Variants in ERICH1 observed in about 807,000 individuals in gnomAD.
ERICH1 encodes glutamate rich 1, also known as glutamate-rich protein 1.
A neutral mutation model predicts 39.6 loss-of-function variants in ERICH1; 56 were observed. The observed-to-expected ratio is 1.41, with a 90% confidence interval of 1.14 to 1.77. The LOEUF (loss-of-function observed/expected upper bound fraction) is 1.77. ERICH1 is among the 40% of genes most tolerant of loss of function. ERICH1 has a pLI of 0.00. For synonymous variants in ERICH1, 313 were observed against 223.6 expected, an observed-to-expected ratio of 1.40 and a Z score of -3.57; for missense variants, 826 against 575.4, an observed-to-expected ratio of 1.44 and a Z score of -4.45.
chr8:710,221 A>AT (rs1814388452), intron 2 of ERICH1, among the ~76,000 whole-genome samples: 1 of 152,148 alleles, frequency 6.6e-6, no homozygotes, highest in African/African-American at 2.4e-5. Flanking sequence ...CCACCATGAC[A>AT]GCATCGTACA....
chr8:670,796 G>A (rs1239450311), intron 4 of ERICH1, among the ~76,000 whole-genome samples: 1 of 151,822 alleles, frequency 6.6e-6, no homozygotes, highest in African/African-American at 2.4e-5. Flanking sequence ...CCTGGCCCCA[G>A]GTCCAACATC....
chr8:622,834 T>A (rs1242117207), intron 3 of ERICH1, among the ~76,000 whole-genome samples: 1 of 151,960 alleles, frequency 6.6e-6, no homozygotes, highest in Non-Finnish European at 1.5e-5. Flanking sequence ...GGTGCACACC[T>A]GTGGTCCCAG....
At position 644,943 on chromosome 8, in the gene ERICH1, A is replaced by G. The variant is rs1799401465; in HGVS notation, c.976+23655T>C. ...ACCCGAACACACTGTCTGTTCTCTC[A>G]GAGGCAGGAGCTACGGGGCCCAGGA... On this transcript the variant is annotated intron_variant, in intron 3 of 3. Coordinates refer to the ERICH1 transcript ENST00000522706. 2.9e-5 allele frequency among the ~76,000 whole-genome samples: 2 copies of G among 69,242 alleles called. 1 individual carries two copies. The highest frequency in any genetic ancestry group is 9.1e-5 in the Non-Finnish European group (2 of 21,964). 45.4% of individuals were successfully genotyped at this position (69,242 alleles called of 152,430 possible). A position where few individuals can be genotyped will look rare whatever the true frequency, so the allele number is the denominator to read the frequency against.
chr8:629,739 CAACCCACACAGAGCTGACTCA>C (rs1797851623), intron 3 of ERICH1, among the ~76,000 whole-genome samples: 2 of 140,506 alleles, frequency 1.4e-5, no homozygotes, highest in African/African-American at 5.9e-5. Context: ...CCTCCCGTGA[CAACCCACACAGAGCTGACTCA>C]CACCCTCCTG....
intron 2 of ERICH1, among the ~76,000 whole-genome samples, chr8:693,161 T>A (rs1809314818): frequency 6.6e-6 from 1 of 150,392 alleles, no homozygotes; most frequent in South Asian, 2.1e-4. Flanking sequence ...AGAGACACCA[T>A]GCACAGCCAC....
intron 3 of ERICH1, among the ~76,000 whole-genome samples, chr8:642,496 C>CA (rs1460000267): frequency 6.6e-6 from 1 of 151,954 alleles, no homozygotes; most frequent in Non-Finnish European, 1.5e-5. Context: ...AGGCACCAGC[C>CA]ACCACGCCCG....
chr8:699,235 C>T (rs996713532), intron 2 of ERICH1, among the ~76,000 whole-genome samples: 2 of 151,992 alleles, frequency 1.3e-5, no homozygotes, highest in East Asian at 1.9e-4. Context: ...TCATCAGGAA[C>T]GAAAGAAAAA....
At position 673,482 on chromosome 8, in the gene ERICH1, A is replaced by G; in HGVS notation, c.870T>C (p.Gly290=). 1 of 1,608,372 alleles carries G rather than the reference A, an allele frequency of 6.2e-7. No individual in the cohort carries two copies. The highest frequency in any genetic ancestry group is 1.4e-5 in the African/African-American group (1 of 71,986). Residue 290 remains glycine, a synonymous_variant, in exon 4 of 6, where the codon GGT becomes GGC. Coordinates refer to ENST00000262109, the MANE Select transcript of ERICH1 (RefSeq NM_207332.3). ...EDLTRAGEED[G]KDTREEDGAD... ...CACCGTCCTCCTCCCTGGTGTCTTT[A>G]CCGTCTTCCTCCCCGGCCCGTGTCA...
At chr8:625,274 A>G (rs987453375) in intron 3 of ERICH1, among the ~76,000 whole-genome samples, 6 of 152,238 alleles carry the variant, frequency 3.9e-5, no homozygotes, top group Non-Finnish European at 8.8e-5. Context: ...GATCTACTCA[A>G]ACAATGGAAT....
At chr8:632,013 AAAG>A (rs1214973317) in intron 3 of ERICH1, among the ~76,000 whole-genome samples, 19 of 152,132 alleles carry the variant, frequency 1.2e-4, no homozygotes, top group African/African-American at 4.6e-4. Flanking sequence ...TAGAACTCCC[AAAG>A]CACCACAGCC....
At chr8:624,818 C>G (rs2117055484) in intron 3 of ERICH1, among the ~76,000 whole-genome samples, 1 of 152,220 alleles carries the variant, frequency 6.6e-6, no homozygotes. Context: ...GCTCTGCCTC[C>G]CGGGTTCACG....
At chr8:651,678 G>T (rs945980118) in intron 3 of ERICH1, among the ~76,000 whole-genome samples, 3 of 142,048 alleles carry the variant, frequency 2.1e-5, no homozygotes, top group East Asian at 3.9e-4. Flanking sequence ...CGGGCAGGGT[G>T]GGGGAGAAGA....
chr8:730,991 G>T, intron 1 of ERICH1, 149 bp downstream of exon 1: 1 of 931,552 alleles, frequency 1.1e-6, no homozygotes, highest in South Asian at 2.9e-5. Flanking sequence ...GCGGGGGATG[G>T]GTAGGGACTG....
chr8:710,135 A>C (rs561548811), intron 2 of ERICH1, among the ~76,000 whole-genome samples: 3 of 152,188 alleles, frequency 2.0e-5, no homozygotes, highest in Non-Finnish European at 4.4e-5. Flanking sequence ...ACACGTTGCC[A>C]CCCCGGTCTG....
intron 3 of ERICH1, among the ~76,000 whole-genome samples, chr8:688,477 C>G (rs1467942316): frequency 6.6e-6 from 1 of 151,782 alleles, no homozygotes; most frequent in Non-Finnish European, 1.5e-5. Flanking sequence ...GCCTCCCCAG[C>G]TAGGGTCAGC....
chr8:719,909 T>C (rs970015557), intron 1 of ERICH1, among the ~76,000 whole-genome samples: 2 of 152,310 alleles, frequency 1.3e-5, no homozygotes, highest in Admixed American at 6.5e-5. Context: ...CCCTCCAGCA[T>C]GGACCTGGTG....
chr8:617,341 A>T (rs1441458336), intron 3 of ERICH1, among the ~76,000 whole-genome samples: 1 of 152,138 alleles, frequency 6.6e-6, no homozygotes, highest in Non-Finnish European at 1.5e-5. Context: ...CCATGTCCAG[A>T]GTATCCCCTT....
intron 3 of ERICH1, among the ~76,000 whole-genome samples, chr8:618,018 G>A (rs936930324): frequency 6.9e-6 from 1 of 144,450 alleles, no homozygotes; most frequent in Non-Finnish European, 1.5e-5. Context: ...CTTGGTGCTT[G>A]GTCCATCCTC....
At chr8:629,691 C>T (rs997668995) in intron 3 of ERICH1, among the ~76,000 whole-genome samples, 1 of 148,036 alleles carries the variant, frequency 6.8e-6, no homozygotes, top group Non-Finnish European at 1.5e-5. Context: ...GACTCACACC[C>T]TCCTGTGACC....
Sources: allele counts gnomAD v4.1 joint callset (sites outside exome capture counted in the v4.1 genomes callset), GRCh38; gene constraint gnomAD v4.1.1; transcripts MANE v1.5; gene names NCBI Gene and HGNC (gene_info 2026-07-23, HGNC 2026-07-21).